Variants in MS4A5 observed in about 807,000 individuals in gnomAD.
MS4A5 encodes the protein membrane-spanning 4-domains subfamily A member 5.
In MS4A5, 15 loss-of-function variants were observed where a neutral mutation model predicts 18.2. The ratio of observed to expected loss-of-function variants is 0.83; its 90% confidence interval spans 0.55 to 1.27. The LOEUF (loss-of-function observed/expected upper bound fraction) is 1.27. MS4A5 is among the 50% of genes most tolerant of loss of function. The pLI is 0.00. For missense variants in MS4A5, 232 were observed against 225.7 expected (o/e 1.03, Z -0.18); for synonymous variants, 89 against 78.7 (o/e 1.13, Z -0.69).
chr11:60,432,775 A>AG (rs1422672437), intron 3 of MS4A5, among the ~76,000 whole-genome samples: 1 of 151,492 alleles, frequency 6.6e-6, no homozygotes, highest in Non-Finnish European at 1.5e-5. Context: ...ATCTCAAAAA[A>AG]AAAAAACAAA....
chr11:60,433,847 T>C lies in MS4A5; in HGVS notation c.422T>C (p.Leu141Pro), dbSNP rs2086064498. ...ATTCTCCTCACATTTGGTTTCATCCTAGATCAAAACTACATTTGTGGTTAT... is the reference window on the plus strand; with the variant it reads ...ATTCTCCTCACATTTGGTTTCATCCCAGATCAAAACTACATTTGTGGTTAT... ...GIILLTFGFILDQNYICGYSH... is the reference protein window; with the variant it reads ...GIILLTFGFIPDQNYICGYSH... The change falls in exon 4 of 5, where the codon CTA becomes CCA. Residue 141 changes from leucine to proline, a missense_variant. Coordinates refer to ENST00000300190, the MANE Select transcript of MS4A5 (RefSeq NM_023945.3). The C allele has an allele frequency of 6.2e-7, 1 of 1,614,062 alleles. No homozygotes were observed. The highest frequency in any genetic ancestry group is 8.5e-7 in the Non-Finnish European group (1 of 1,179,902).
At chr11:60,435,472 G>A (rs554016021) in intron 4 of MS4A5, 33 of 415,612 alleles carry the variant, frequency 7.9e-5, no homozygotes, top group East Asian at 2.8e-4. Context: ...AGCTCCCAGC[G>A]TGAGAGACGC....
At position 60,440,497 on chromosome 11, in the gene MS4A5, A is replaced by G. The variant is rs1389623520; in HGVS notation, c.492+6580A>G. ...CATCAGAGTGAACAGGCAAGCTACAAAATGGGAGAAAATTTTTGCAACCTA... is the reference window on the plus strand; with the variant it reads ...CATCAGAGTGAACAGGCAAGCTACAGAATGGGAGAAAATTTTTGCAACCTA... On this transcript the variant is annotated intron_variant, in intron 4 of 4. Transcript: ENST00000300190. Among the ~76,000 whole-genome samples, 562 of 121,706 alleles carry G rather than the reference A, an allele frequency of 4.6e-3. 7 individuals are homozygous for G. The highest frequency in any genetic ancestry group is 0.016 in the African/African-American group (543 of 34,826). The allele number at this position is 121,706 out of a possible 152,430, so 79.8% of individuals were successfully genotyped here.
chr11:60,441,720 A>G (rs1474743935), intron 4 of MS4A5, among the ~76,000 whole-genome samples: 2 of 151,646 alleles, frequency 1.3e-5, no homozygotes, highest in African/African-American at 4.8e-5. Flanking sequence ...TAAAACTATT[A>G]TGTACCCATA....
At chr11:60,447,377 G>GTGCTGTACTA (rs2086146837) in intron 4 of MS4A5, among the ~76,000 whole-genome samples, 2 of 128,034 alleles carry the variant, frequency 1.6e-5, no homozygotes, top group African/African-American at 5.8e-5. Flanking sequence ...ATGCAATGCA[G>GTGCTGTACTA]TGCTATGCTA....
intron 4 of MS4A5, among the ~76,000 whole-genome samples, chr11:60,434,968 T>A (rs959243493): frequency 6.6e-6 from 1 of 152,214 alleles, no homozygotes; most frequent in Non-Finnish European, 1.5e-5. Context: ...ATATACAACG[T>A]ACCCTGCCCC....
At chr11:60,445,890 C>T (rs1590836475) in intron 4 of MS4A5, among the ~76,000 whole-genome samples, 1 of 152,022 alleles carries the variant, frequency 6.6e-6, no homozygotes. Flanking sequence ...CTGGTGAAAA[C>T]AATGTTCTTG....
chr11:60,443,327 A>G (rs3973196), intron 4 of MS4A5, among the ~76,000 whole-genome samples: 1 of 151,662 alleles, frequency 6.6e-6, no homozygotes, highest in African/African-American at 2.4e-5. Flanking sequence ...ATTAAATGTC[A>G]ATTTTAAAAA....
intron 4 of MS4A5, among the ~76,000 whole-genome samples, chr11:60,434,304 T>C (rs1306121877): frequency 6.6e-6 from 1 of 152,154 alleles, no homozygotes; most frequent in East Asian, 1.9e-4. Context: ...CGATAAAGCA[T>C]GATAAGATTG....
chr11:60,433,720 C>CTG (rs2086063694), intron 3 of MS4A5, 45 bp from the exon 4 acceptor site: 1 of 1,586,254 alleles, frequency 6.3e-7, no homozygotes, highest in African/African-American at 1.3e-5. Flanking sequence ...GTTTGTAGTA[C>CTG]AGGCTGGACC....
At chr11:60,446,725 C>G (rs777080352) in intron 4 of MS4A5, among the ~76,000 whole-genome samples, 1 of 149,444 alleles carries the variant, frequency 6.7e-6, no homozygotes, top group Non-Finnish European at 1.5e-5. Flanking sequence ...AAGAGTGAAA[C>G]TCCGTCTCAA....
chr11:60,431,188 T>C (rs1052304508), intron 2 of MS4A5, among the ~76,000 whole-genome samples: 2 of 152,232 alleles, frequency 1.3e-5, no homozygotes, highest in Non-Finnish European at 2.9e-5. Context: ...TTACTATTTA[T>C]TATAAGCCAG....
intron 4 of MS4A5, among the ~76,000 whole-genome samples, chr11:60,439,036 G>A: frequency 1.4e-5 from 1 of 73,630 alleles, no homozygotes; most frequent in South Asian, 4.9e-4. Flanking sequence ...TAAAATACTG[G>A]CAAACTGAAT....
chr11:60,435,986 GAC>G (rs961225203), intron 4 of MS4A5, among the ~76,000 whole-genome samples: 7 of 152,212 alleles, frequency 4.6e-5, no homozygotes, highest in African/African-American at 1.7e-4. Flanking sequence ...GCAGGGCACA[GAC>G]AAACAAAAAG....
At position 60,432,412 on chromosome 11, in the gene MS4A5, T is replaced by C. The variant is rs1185411972; in HGVS notation, c.284T>C (p.Phe95Ser). 1 of 1,580,600 alleles carries C rather than the reference T, an allele frequency of 6.3e-7. No individual in the cohort carries two copies. The highest frequency in any genetic ancestry group is 1.3e-5 in the African/African-American group (1 of 74,244). ...TAACATATTTATTCCTCTTAACAGT[T>C]CATTAATTCTGGAGCCTTCCTAATT... ...SGYPFWGSVL[F>S]INSGAFLIAV... The change falls in exon 3 of 5, where the codon TTC (phenylalanine) becomes TCC (serine). Residue 95 changes from phenylalanine to serine, a missense_variant and splice_region_variant. By Grantham distance (155) the Phe-to-Ser change is radical. Coordinates refer to ENST00000300190, the MANE Select transcript of MS4A5 (RefSeq NM_023945.3).
chr11:60,430,336 T>C (rs892715380), intron 1 of MS4A5, among the ~76,000 whole-genome samples: 1 of 152,084 alleles, frequency 6.6e-6, no homozygotes, highest in Non-Finnish European at 1.5e-5. Flanking sequence ...GCTCAGAGAA[T>C]TGGCCATCTC....
rs1367135192 is a variant in MS4A5 at position 60,429,691 on chromosome 11, C to G, written c.17C>G (p.Ala6Gly). 4 of 1,612,832 alleles carry G rather than the reference C, an allele frequency of 2.5e-6. No individual in the cohort carries two copies. The Admixed American group carries it at 6.7e-5, about 27-fold the overall frequency. MDSSTAHSPVFLVFPP... is the reference protein window; with the variant it reads MDSSTGHSPVFLVFPP... ...GACACCATCATGGATTCAAGCACCG[C>G]ACACAGTCCGGTGTTTCTGGTATTT... is the stretch of plus-strand genomic sequence containing the variant. The change falls in exon 1 of 5, where the codon GCA becomes GGA. Residue 6 changes from alanine (A) to glycine (G), a missense_variant. Coordinates refer to ENST00000300190, the MANE Select transcript of MS4A5 (RefSeq NM_023945.3).
intron 1 of MS4A5, among the ~76,000 whole-genome samples, chr11:60,430,107 G>A (rs939581119): frequency 1.3e-5 from 2 of 152,218 alleles, no homozygotes; most frequent in Non-Finnish European, 2.9e-5. Flanking sequence ...AAGGTGGACT[G>A]AGAAGAAGAG....
At chr11:60,447,609 T>A (rs2086148174) in intron 4 of MS4A5, 40 bp from the exon 5 acceptor site, 1 of 1,164,486 alleles carries the variant, frequency 8.6e-7, no homozygotes, top group Non-Finnish European at 1.2e-6. Context: ...TGTGCCAACA[T>A]CATGACTCTT....
Sources: allele counts gnomAD v4.1 joint callset (sites outside exome capture counted in the v4.1 genomes callset), GRCh38; gene constraint gnomAD v4.1.1; transcripts MANE v1.5; gene names NCBI Gene and HGNC (gene_info 2026-07-23, HGNC 2026-07-21).